Variants in FGF8 observed in about 807,000 individuals in gnomAD.
FGF8 encodes the protein fibroblast growth factor 8.
A neutral mutation model predicts 29.7 loss-of-function variants in FGF8; 12 were observed. The ratio of observed to expected loss-of-function variants is 0.40; its 90% CI spans 0.26 to 0.65. FGF8 has a LOEUF of 0.65. Among genes scored for constraint, FGF8 ranks in the 30% least tolerant of loss-of-function variants. The probability of loss-of-function intolerance (pLI) is 0.37; values close to 1 mark genes in which losing one functional copy is unlikely to be tolerated. For missense variants in FGF8, 271 were observed against 345.1 expected (o/e 0.79, Z 1.70); for synonymous variants, 157 against 144.4 (o/e 1.09, Z -0.63).
chr10:101,770,408 C>G lies in FGF8; in HGVS notation c.656G>C (p.Arg219Pro). The part of the protein sequence containing the change: ...RGHHTTEQSL[R>P]FEFLNYPPFT... ...GGGCGGGTAGTTGAGGAACTCGAAG[C>G]GCAGGCTCTGCTCGGTGGTGTGGTG... is the stretch of plus-strand genomic sequence containing the variant. Residue 219 changes from arginine to proline, a missense_variant, in exon 6 of 6, where the codon CGC (arginine) becomes CCC (proline). By Grantham distance (103) the Arg-to-Pro change is moderately radical. This residue lies in a region of FGF8 where 62 missense variants were observed against 58.1 expected (regional missense o/e 1.07). Transcript: ENST00000320185. 6.2e-7 allele frequency: 1 copy of G among 1,607,550 alleles called. No individual in the cohort carries two copies. Among genetic ancestry groups the G allele is most frequent in the Non-Finnish European group, 8.5e-7 (1 of 1,177,428 alleles).
rs2076090833 is a variant in FGF8 at position 101,771,679 on chromosome 10, T to C, written c.338-110A>G. The stretch of plus-strand genomic sequence containing the variant: ...CTCCAAAGACCAGGAACCCAAAACA[T>C]GGACTCCAGCTCCAGCCCAGCTACT... On this transcript the variant is annotated intron_variant, in intron 4 of 5. Coordinates refer to ENST00000320185, the MANE Select transcript of FGF8 (RefSeq NM_033163.5). This position sits in a 1 kb window ranked among gnomAD's most constrained non-coding sequence, Gnocchi z 5.3. 1.2e-6 allele frequency: 1 copy of C among 822,324 alleles called. No homozygotes were observed. The highest frequency in any genetic ancestry group is 2.1e-6 in the Non-Finnish European group (1 of 484,400). The allele number at this position is 822,324 out of a possible 1,614,324, so 50.9% of individuals were successfully genotyped here.
At chr10:101,779,413 C>T (rs985282579), upstream of FGF8, among the ~76,000 whole-genome samples, 4 of 152,220 alleles carry the variant, frequency 2.6e-5, no homozygotes, top group Non-Finnish European at 5.9e-5. This position sits in a 1 kb window ranked among gnomAD's most constrained non-coding sequence, Gnocchi z 5.7. Flanking sequence ...CACAGTGAGC[C>T]GGCAGCGCTC....
rs1014771957 is a variant in FGF8, at chr10:101,775,576, T to C, written c.69+164A>G. 1.4e-6 allele frequency: 1 copy of C among 729,630 alleles called. No homozygotes were observed. The highest frequency in any genetic ancestry group is 2.2e-6 in the Non-Finnish European group (1 of 447,218). The allele number at this position is 729,630 out of a possible 1,614,324, so 45.2% of individuals were successfully genotyped here. A position where few individuals can be genotyped will look rare whatever the true frequency, so the allele number is the denominator to read the frequency against. Reference sequence around the variant, plus strand: ...GACCTCAGGAGGGGTGCTACCTCTCTGTGCCTCAGCTCCCTCCTCGGGGTG... The same window carrying C: ...GACCTCAGGAGGGGTGCTACCTCTCCGTGCCTCAGCTCCCTCCTCGGGGTG... On this transcript the variant is annotated intron_variant, in intron 2 of 5. Coordinates refer to ENST00000320185, the MANE Select transcript of FGF8 (RefSeq NM_033163.5). This position sits in a 1 kb window ranked among gnomAD's most constrained non-coding sequence, Gnocchi z 4.6.
At chr10:101,770,735 C>T in intron 5 of FGF8, 116 bp from the exon 6 acceptor site, 3 of 1,136,484 alleles carry the variant, frequency 2.6e-6, no homozygotes, top group Non-Finnish European at 1.3e-6. Context: ...GCAGGAGCCG[C>T]AGCCCCACCC....
chr10:101,775,690 G>A lies in FGF8; in HGVS notation c.69+50C>T. On this transcript the variant is annotated intron_variant, in intron 2 of 5. Coordinates refer to ENST00000320185, the MANE Select transcript of FGF8 (RefSeq NM_033163.5). The surrounding 1 kb of genome is among the most constrained non-coding windows in gnomAD (Gnocchi z 4.6). ...TGCCCCCGACCGGCGCTGCCCACCC[G>A]GGTCTCACACCGGCGCGCCCGGCCC... 2.0e-6 allele frequency: 3 copies of A among 1,535,248 alleles called. No individual in the cohort carries two copies. Among genetic ancestry groups the A allele is most frequent in the Non-Finnish European group, 2.6e-6 (3 of 1,141,672 alleles).
chr10:101,774,275 G>A lies in FGF8; in HGVS notation c.337+457C>T, dbSNP rs3218230. ...GCCCCCTTCCAAGCCCAGTTTCCAC[G>A]TGTAAATTGACCCATCCGATTAAAG... On this transcript the variant is annotated intron_variant, in intron 4 of 5. Transcript: ENST00000320185. Among the ~76,000 whole-genome samples, 1,466 of 152,300 alleles carry A rather than the reference G, an allele frequency of 9.6e-3. 27 individuals carry two copies. Among genetic ancestry groups the A allele is most frequent in the African/African-American group, 0.033 (1,379 of 41,564 alleles).
upstream of FGF8, among the ~76,000 whole-genome samples, chr10:101,776,386 C>G (rs1486792026): frequency 6.7e-6 from 1 of 149,150 alleles, no homozygotes; most frequent in Non-Finnish European, 1.5e-5. Context: ...GGGGCGGGGG[C>G]GGCCGGTCTG....
Position 101,775,423 on chromosome 10 carries a change from C to A in FGF8, c.70-207G>T, listed in dbSNP as rs184829568. On this transcript the variant is annotated intron_variant, in intron 2 of 5. Coordinates refer to ENST00000320185, the MANE Select transcript of FGF8 (RefSeq NM_033163.5). The surrounding 1 kb of genome is among the most constrained non-coding windows in gnomAD (Gnocchi z 4.6). ...CTTCCCCTGGCATCGAACATCCATCCCCTGGCCGCGGCTGCCCCCTTCCTC... is the reference window on the plus strand; with the variant it reads ...CTTCCCCTGGCATCGAACATCCATCACCTGGCCGCGGCTGCCCCCTTCCTC... The A allele has an allele frequency of 2.4e-4, 148 of 606,312 alleles. No homozygotes were observed. In the East Asian group the frequency reaches 4.1e-3, roughly 17 times the overall value. 37.6% of individuals were successfully genotyped at this position (606,312 alleles called of 1,614,324 possible). A position where few individuals can be genotyped will look rare whatever the true frequency, so the allele number is the denominator to read the frequency against.
chr10:101,772,642 C>T lies in FGF8; in HGVS notation c.338-1073G>A, dbSNP rs1284813472. On this transcript the variant is annotated intron_variant, in intron 4 of 5. Transcript: ENST00000320185. The surrounding 1 kb of genome is among the most constrained non-coding windows in gnomAD (Gnocchi z 4.4). ...CCAGCCTCTCCCCTCCCTGAGAAAG[C>T]AGTTCTTGGACTTAGCCTGCATTGA... Among the ~76,000 whole-genome samples the T allele has an allele frequency of 1.3e-5, 2 of 152,220 alleles. No homozygotes were observed. The highest frequency in any genetic ancestry group is 2.9e-5 in the Non-Finnish European group (2 of 68,034).
chr10:101,776,880 ACACACACACACACT>A (rs2065102491), upstream of FGF8, among the ~76,000 whole-genome samples: 1 of 149,020 alleles, frequency 6.7e-6, no homozygotes, highest in African/African-American at 2.5e-5. Flanking sequence ...ACACACACAC[ACACACACACACACT>A]AGCCTGAAGC....
upstream of FGF8, among the ~76,000 whole-genome samples, chr10:101,780,038 G>A (rs1302461623): frequency 1.3e-5 from 2 of 152,220 alleles, no homozygotes; most frequent in Admixed American, 1.3e-4. Flanking sequence ...ACGACCACGA[G>A]CGGCTTCAAC....
chr10:101,773,431 G>A (rs2065048959), intron 4 of FGF8, among the ~76,000 whole-genome samples: 2 of 152,132 alleles, frequency 1.3e-5, no homozygotes, highest in Non-Finnish European at 2.9e-5. Flanking sequence ...GGGGAGCTCG[G>A]CCACCAGGCA....
Position 101,774,905 on chromosome 10 carries a change from A to G in FGF8, c.164T>C (p.Val55Ala). ...EPQGVSQQVT[V>A]QSSPNFTQHV... ...CTGTGTAAAATTAGGTGAGGACTGAACAGTTACCTTTAGGAAATTGAAAAA... is the reference window on the plus strand; with the variant it reads ...CTGTGTAAAATTAGGTGAGGACTGAGCAGTTACCTTTAGGAAATTGAAAAA... The change falls in exon 4 of 6, where the codon GTT (valine) becomes GCT (alanine). Residue 55 changes from valine (V) to alanine (A), a missense_variant. Physicochemically the swap from Val to Ala is moderately conservative, Grantham distance 64. Transcript: ENST00000320185. 5 of 1,613,992 alleles carry G rather than the reference A, an allele frequency of 3.1e-6. No homozygotes were observed. Among genetic ancestry groups the G allele is most frequent in the Non-Finnish European group, 4.2e-6 (5 of 1,179,984 alleles).
rs147342890 is a variant in FGF8, at chr10:101,770,482, C to T, written c.582G>A (p.Thr194=). The change falls in exon 6 of 6, where the codon ACG becomes ACA. Residue 194 remains threonine, a synonymous_variant. Transcript: ENST00000320185. ...RKGRPRKGSK[T]RQHQREVHFM... The stretch of plus-strand genomic sequence containing the variant: ...AGTGGACCTCACGCTGGTGCTGCCG[C>T]GTCTTGGAGCCCTTGCGGGGCCGGC... The T allele has an allele frequency of 7.3e-4, 1,183 of 1,613,462 alleles. 11 individuals carry two copies. Among genetic ancestry groups the T allele is most frequent in the Non-Finnish European group, 2.6e-4 (308 of 1,179,842 alleles).
chr10:101,773,191 C>T (rs1245025251), intron 4 of FGF8, among the ~76,000 whole-genome samples: 2 of 152,170 alleles, frequency 1.3e-5, no homozygotes, highest in African/African-American at 4.8e-5. Context: ...TATATGGCCA[C>T]GGAGAGAAGT....
intron 4 of FGF8, among the ~76,000 whole-genome samples, chr10:101,773,386 C>A (rs1316552924): frequency 6.6e-6 from 1 of 152,182 alleles, no homozygotes; most frequent in African/African-American, 2.4e-5. Flanking sequence ...TTTGGAGGGA[C>A]AAAGGGATGG....
rs1459268999 is a variant in FGF8, at chr10:101,771,830, A to G, written c.338-261T>C. ...TCTCAAGAGAGGTCTTGGGACTATC[A>G]AATTGAAAAGGCTGAAGTGCCATTC... On this transcript the variant is annotated intron_variant, in intron 4 of 5. Transcript: ENST00000320185. The surrounding 1 kb of genome is among the most constrained non-coding windows in gnomAD (Gnocchi z 5.3). Among the ~76,000 whole-genome samples the G allele has an allele frequency of 6.6e-6, 1 of 152,260 alleles. No individual in the cohort carries two copies. The highest frequency in any genetic ancestry group is 2.4e-5 in the African/African-American group (1 of 41,466).
chr10:101,770,574 C>T lies in FGF8; in HGVS notation c.490G>A (p.Glu164Lys), dbSNP rs1186700485. The T allele has an allele frequency of 6.2e-7, 1 of 1,612,940 alleles. No individual in the cohort carries two copies. Among genetic ancestry groups the T allele is most frequent in the Non-Finnish European group, 8.5e-7 (1 of 1,179,960 alleles). Residue 164 changes from glutamate to lysine, a missense_variant, in exon 6 of 6, where the codon GAG becomes AAG. Physicochemically the swap from Glu to Lys is moderately conservative, Grantham distance 56. This residue lies in a region of FGF8 where 41 missense variants were observed against 80.0 expected (regional missense o/e 0.51). Transcript: ENST00000320185. ...TTCTGCAGCGCTGTGTAGTTGTTCTCCAGCACAATCTCCGTGAAGACGCAG... is the reference window on the plus strand; with the variant it reads ...TTCTGCAGCGCTGTGTAGTTGTTCTTCAGCACAATCTCCGTGAAGACGCAG... ...KDCVFTEIVLENNYTALQNAK... is the reference protein window; with the variant it reads ...KDCVFTEIVLKNNYTALQNAK...
intron 4 of FGF8, among the ~76,000 whole-genome samples, chr10:101,773,471 C>T (rs569229666): frequency 1.3e-5 from 2 of 151,004 alleles, no homozygotes; most frequent in South Asian, 4.2e-4. Context: ...CCAGAAAGCC[C>T]GCTCTCTCCC....
Sources: allele counts gnomAD v4.1 joint callset (sites outside exome capture counted in the v4.1 genomes callset), GRCh38; gene constraint gnomAD v4.1.1; regional missense constraint gnomAD v4.1.1; non-coding constraint Gnocchi (gnomAD v3.1); transcripts MANE v1.5; gene names NCBI Gene and HGNC (gene_info 2026-07-23, HGNC 2026-07-21).